The following DDX60 variants were observed in gnomAD, a reference collection of about 807,000 sequenced individuals.
DDX60 encodes the protein DExD/H-box helicase 60, also known as probable ATP-dependent RNA helicase DDX60.
DDX60 carries 165 observed loss-of-function variants against 212.8 expected under a neutral mutation model. The observed-to-expected ratio is 0.78, with a 90% CI of 0.68 to 0.88. DDX60 has a LOEUF of 0.88. Ranked by LOEUF, DDX60 falls within the 40% of genes least tolerant of loss-of-function variation. The pLI is 0.00. For synonymous variants in DDX60, 703 were observed against 685.3 expected, an observed-to-expected ratio of 1.03 and a Z score of -0.40; for missense variants, 1,905 against 2,003.9, an observed-to-expected ratio of 0.95 and a Z score of 0.94.
At chr4:168,227,343 G>A (rs1373870266) in intron 33 of DDX60, among the ~76,000 whole-genome samples, 4 of 151,514 alleles carry the variant, frequency 2.6e-5, no homozygotes, top group African/African-American at 7.3e-5. Context: ...AGTCAAATAC[G>A]TTGCTATAAA....
chr4:168,261,039 A>C, intron 24 of DDX60, 50 bp from the exon 25 acceptor site: 1 of 1,556,360 alleles, frequency 6.4e-7, no homozygotes, highest in South Asian at 1.2e-5. Flanking sequence ...AGAAAGAAAG[A>C]AATTACTACT....
Position 168,273,379 on chromosome 4 carries a change from G to A in DDX60, c.2474C>T (p.Ala825Val). 1 of 1,613,830 alleles carries A rather than the reference G, an allele frequency of 6.2e-7. No homozygotes were observed. The highest frequency in any genetic ancestry group is 8.5e-7 in the Non-Finnish European group (1 of 1,179,850). The change falls in exon 18 of 38, where the codon GCA becomes GTA. Residue 825 changes from alanine (A) to valine (V), a missense_variant. Transcript: ENST00000393743. The stretch of plus-strand genomic sequence containing the variant: ...CGTAAAACGATTCTGAACAGTTGCT[G>A]CCACTTGATTAACAAGGGCCTGATT... ...APTKALVNQV[A>V]ATVQNRFTKN...
At chr4:168,220,269 G>A (rs886692219) in intron 37 of DDX60, among the ~76,000 whole-genome samples, 1 of 152,106 alleles carries the variant, frequency 6.6e-6, no homozygotes, top group Non-Finnish European at 1.5e-5. Flanking sequence ...ATAAACTAGA[G>A]ACCGGATGGA....
chr4:168,243,585 T>A (rs1733923390), intron 30 of DDX60, among the ~76,000 whole-genome samples: 1 of 152,142 alleles, frequency 6.6e-6, no homozygotes, highest in South Asian at 2.1e-4. Flanking sequence ...ATGGCAATTA[T>A]TAAAAAGTCA....
In DDX60 at chr4:168,268,837, T is replaced by C; in HGVS notation, c.2786+17A>G. On this transcript the variant is annotated intron_variant, in intron 20 of 37. Coordinates refer to ENST00000393743, the MANE Select transcript of DDX60 (RefSeq NM_017631.6). ...AAATAGATAAACACTCTGTCCAAAT[T>C]GAAACTTAATGCCTACTCGGTGAGA... 1.4e-6 allele frequency: 2 copies of C among 1,383,968 alleles called. No homozygotes were observed. The highest frequency in any genetic ancestry group is 1.3e-5 in the South Asian group (1 of 74,148). The allele number at this position is 1,383,968 out of a possible 1,614,324, so 85.7% of individuals were successfully genotyped here.
chr4:168,240,896 G>T (rs1490417171), intron 30 of DDX60, among the ~76,000 whole-genome samples: 3 of 152,122 alleles, frequency 2.0e-5, no homozygotes. Flanking sequence ...TTTCATAATT[G>T]ATGTGGTTTG....
At chr4:168,228,226 A>C (rs1733326434) in intron 33 of DDX60, among the ~76,000 whole-genome samples, 1 of 152,102 alleles carries the variant, frequency 6.6e-6, no homozygotes, top group Admixed American at 6.6e-5. Flanking sequence ...AGGTACAGTA[A>C]AAATACAATA....
At chr4:168,223,285 A>G (rs1329411342) in intron 35 of DDX60, among the ~76,000 whole-genome samples, 1 of 151,870 alleles carries the variant, frequency 6.6e-6, no homozygotes, top group African/African-American at 2.4e-5. Context: ...ATTATATTAA[A>G]ATGTAAAACT....
intron 1 of DDX60, among the ~76,000 whole-genome samples, chr4:168,315,553 T>C (rs1464755861): frequency 2.0e-5 from 3 of 152,190 alleles, no homozygotes; most frequent in African/African-American, 7.2e-5. Context: ...ATTAGGTATT[T>C]GACCTAATGC....
chr4:168,248,922 G>C (rs1734116157), intron 28 of DDX60, among the ~76,000 whole-genome samples: 2 of 152,036 alleles, frequency 1.3e-5, no homozygotes, highest in South Asian at 4.1e-4. Context: ...ACTACATTCG[G>C]CTAATTTTTG....
At chr4:168,267,553 A>T in intron 22 of DDX60, 29 bp downstream of exon 22, 1 of 1,213,236 alleles carries the variant, frequency 8.2e-7, no homozygotes, top group Non-Finnish European at 1.1e-6. Flanking sequence ...TATATTACTT[A>T]GAACAAATAT....
intron 6 of DDX60, among the ~76,000 whole-genome samples, chr4:168,297,382 GAGAAAGAA>G (rs1378653476): frequency 1.3e-4 from 5 of 39,908 alleles, no homozygotes; most frequent in South Asian, 8.0e-4. Flanking sequence ...AAGAAAGAAA[GAGAAAGAA>G]AGAAAGAAAG....
At chr4:168,297,273 G>GA (rs1176430466) in intron 6 of DDX60, among the ~76,000 whole-genome samples, 7 of 124,758 alleles carry the variant, frequency 5.6e-5, no homozygotes, top group African/African-American at 2.5e-4. Flanking sequence ...GAAAGAAAAA[G>GA]AAAGAAAGAA....
At chr4:168,262,907 C>T in intron 22 of DDX60, 120 bp from the exon 23 acceptor site, 1 of 558,290 alleles carries the variant, frequency 1.8e-6, no homozygotes, top group Non-Finnish European at 3.0e-6. Context: ...TGTTCAAATG[C>T]TGATAGGTGC....
chr4:168,253,892 A>G (rs1015914506), intron 26 of DDX60, among the ~76,000 whole-genome samples: 1 of 152,156 alleles, frequency 6.6e-6, no homozygotes, highest in Non-Finnish European at 1.5e-5. Flanking sequence ...CTTATCACTT[A>G]TTTGATTTTT....
chr4:168,276,131 G>A lies in DDX60; in HGVS notation c.2029C>T (p.His677Tyr). 6.2e-7 allele frequency: 1 copy of A among 1,613,114 alleles called. No individual in the cohort carries two copies. Among genetic ancestry groups the A allele is most frequent in the Admixed American group, 1.7e-5 (1 of 59,980 alleles). Residue 677 changes from histidine to tyrosine, a missense_variant, in exon 15 of 38, where the codon CAC (histidine) becomes TAC (tyrosine). Coordinates refer to ENST00000393743, the MANE Select transcript of DDX60 (RefSeq NM_017631.6). ...SIAVQVMKRI[H>Y]SLMEKYSELL... is the part of the protein sequence containing the mutation. ...TCTGAGTATTTTTCCATCAAGGAGT[G>A]GATCCTTTTCATCACCTGAACAGCT...
chr4:168,294,691 G>A (rs1736264346), intron 6 of DDX60, among the ~76,000 whole-genome samples: 2 of 151,868 alleles, frequency 1.3e-5, no homozygotes, highest in African/African-American at 2.4e-5. Context: ...TAGTAGAGAT[G>A]GGATTTCACC....
chr4:168,303,554 A>T (rs1251628307), intron 5 of DDX60, among the ~76,000 whole-genome samples: 1 of 152,202 alleles, frequency 6.6e-6, no homozygotes, highest in East Asian at 1.9e-4. Context: ...TGGTGATCCC[A>T]TAAGATTATA....
At position 168,260,864 on chromosome 4, in the gene DDX60, C is replaced by CA. The variant is rs778036194; in HGVS notation, c.3398dup (p.Leu1133PhefsTer12). On this transcript the variant is annotated frameshift_variant and splice_region_variant. Transcript: ENST00000393743. LOFTEE classifies it high-confidence loss of function. ...AAACCAAATTAAATTAAATAACTTA[C>CA]AAAAAAAATAGTGCAGGTAACTTCT... 51 of 1,594,154 alleles carry CA rather than the reference C, an allele frequency of 3.2e-5. No individual in the cohort carries two copies. Among genetic ancestry groups the CA allele is most frequent in the East Asian group, 4.5e-5 (2 of 44,664 alleles).
Sources: allele counts gnomAD v4.1 joint callset (sites outside exome capture counted in the v4.1 genomes callset), GRCh38; gene constraint gnomAD v4.1.1; transcripts MANE v1.5; gene names NCBI Gene and HGNC (gene_info 2026-07-23, HGNC 2026-07-21).